PRKG1: variants seen among roughly 807,000 people sequenced by gnomAD.
PRKG1 encodes protein kinase cGMP-dependent 1.
PRKG1 carries 35 observed loss-of-function variants against 88.1 expected under a neutral mutation model. The observed-to-expected ratio is 0.40, with a 90% CI of 0.30 to 0.53. PRKG1 has a LOEUF of 0.53. Ranked by LOEUF, PRKG1 falls within the 20% of genes least tolerant of loss-of-function variation. The pLI is 0.59. For missense variants in PRKG1, 540 were observed against 839.8 expected (o/e 0.64, Z 4.41); for synonymous variants, 303 against 292.5 (o/e 1.04, Z -0.37).
At chr10:51,295,520 T>C (rs1363148557) in intron 2 of PRKG1, among the ~76,000 whole-genome samples, 2 of 152,146 alleles carry the variant, frequency 1.3e-5, no homozygotes, top group African/African-American at 4.8e-5. Flanking sequence ...TTCTAACATT[T>C]TTTTTCTTTT....
chr10:51,789,414 A>G (rs568639527), intron 3 of PRKG1, among the ~76,000 whole-genome samples: 4 of 152,304 alleles, frequency 2.6e-5, no homozygotes, highest in South Asian at 2.1e-4. Flanking sequence ...AGCTTCACTG[A>G]TGTGAGATGG....
intron 7 of PRKG1, among the ~76,000 whole-genome samples, chr10:52,131,815 T>TA (rs1837268352): frequency 5.9e-4 from 3 of 5,046 alleles, no homozygotes; most frequent in Non-Finnish European, 7.7e-4. Context: ...CGAAACTCCA[T>TA]CAAAAAAAAA....
At chr10:51,392,548 G>A (rs903068865) in intron 2 of PRKG1, among the ~76,000 whole-genome samples, 4 of 152,052 alleles carry the variant, frequency 2.6e-5, no homozygotes, top group African/African-American at 9.6e-5. Context: ...CACAGACACG[G>A]CAACCATCCG....
intron 3 of PRKG1, among the ~76,000 whole-genome samples, chr10:51,550,529 C>T (rs1837102275): frequency 6.6e-6 from 1 of 151,906 alleles, no homozygotes; most frequent in Admixed American, 6.6e-5. Context: ...TGGGAATAAA[C>T]CTCTTAGAGA....
chr10:52,064,036 A>C (rs1846299005), intron 7 of PRKG1, among the ~76,000 whole-genome samples: 1 of 152,204 alleles, frequency 6.6e-6, no homozygotes, highest in Non-Finnish European at 1.5e-5. Flanking sequence ...TGGGACTGGC[A>C]GCCTGGCCTC....
intron 9 of PRKG1, among the ~76,000 whole-genome samples, chr10:52,192,684 T>C (rs1447040430): frequency 6.6e-6 from 1 of 152,102 alleles, no homozygotes; most frequent in African/African-American, 2.4e-5. Context: ...CAGATATCAA[T>C]AAATATCACA....
At chr10:51,644,130 C>T (rs1839863966) in intron 3 of PRKG1, among the ~76,000 whole-genome samples, 1 of 152,168 alleles carries the variant, frequency 6.6e-6, no homozygotes, top group Non-Finnish European at 1.5e-5. Context: ...CTTAGTATCA[C>T]AGAATTTTGA....
chr10:52,109,692 A>G (rs1045296942), intron 7 of PRKG1, among the ~76,000 whole-genome samples: 1 of 143,208 alleles, frequency 7.0e-6, no homozygotes, highest in African/African-American at 2.5e-5. Context: ...ACTTGAACTC[A>G]GTGATGTCGG....
intron 1 of PRKG1, among the ~76,000 whole-genome samples, chr10:51,146,194 A>AAG (rs1845944766): frequency 6.6e-6 from 1 of 151,936 alleles, no homozygotes; most frequent in African/African-American, 2.4e-5. Context: ...GTCTCAAAAA[A>AAG]AAAAAAGAAA....
chr10:51,640,259 G>A (rs549449393), intron 3 of PRKG1, among the ~76,000 whole-genome samples: 1 of 152,248 alleles, frequency 6.6e-6, no homozygotes, highest in East Asian at 1.9e-4. Context: ...GTATTCAGGA[G>A]TACCTAGAAC....
intron 3 of PRKG1, among the ~76,000 whole-genome samples, chr10:51,777,672 A>G (rs1016853713): frequency 6.6e-6 from 1 of 152,164 alleles, no homozygotes; most frequent in Non-Finnish European, 1.5e-5. Flanking sequence ...GGTGTTGTAC[A>G]TTCTATGGGT....
chr10:51,717,231 T>C (rs890052010), intron 3 of PRKG1, among the ~76,000 whole-genome samples: 8 of 152,164 alleles, frequency 5.3e-5, no homozygotes, highest in South Asian at 2.1e-4. Context: ...CTCTTTGCAG[T>C]CTCCTTTCTC....
intron 5 of PRKG1, among the ~76,000 whole-genome samples, chr10:51,995,258 AGGTAC>A (rs1844410256): frequency 5.3e-5 from 8 of 152,100 alleles, no homozygotes; most frequent in Admixed American, 5.2e-4. Context: ...TGTGTGTGGT[AGGTAC>A]TTAATCAGAC....
intron 5 of PRKG1, among the ~76,000 whole-genome samples, chr10:51,980,104 C>T (rs910539624): frequency 6.6e-6 from 1 of 151,990 alleles, no homozygotes; most frequent in African/African-American, 2.4e-5. Context: ...CTAACTTTTT[C>T]ATGTGAGCAT....
At position 52,001,046 on chromosome 10, in the gene PRKG1, C is replaced by T. The variant is rs187768746; in HGVS notation, c.763-53438C>T. On this transcript the variant is annotated intron_variant, in intron 5 of 17. Coordinates refer to ENST00000373980, the MANE Select transcript of PRKG1 (RefSeq NM_006258.4). ...GTAACTACCATTCTACTCTCTATTA[C>T]GGTGGGTTCAAAGTTTTTTTTTCGA... Among the ~76,000 whole-genome samples the T allele has an allele frequency of 3.3e-3, 495 of 152,002 alleles. 6 individuals are homozygous for T. Among genetic ancestry groups the T allele is most frequent in the African/African-American group, 0.011 (476 of 41,492 alleles).
intron 2 of PRKG1, among the ~76,000 whole-genome samples, chr10:51,298,536 T>A (rs1250707663): frequency 6.6e-6 from 1 of 152,208 alleles, no homozygotes; most frequent in African/African-American, 2.4e-5. Flanking sequence ...TTATAAATGT[T>A]AGCTATTACA....
chr10:51,584,605 G>T (rs1266027642), intron 3 of PRKG1, among the ~76,000 whole-genome samples: 1 of 151,982 alleles, frequency 6.6e-6, no homozygotes, highest in Non-Finnish European at 1.5e-5. Flanking sequence ...GTGTCTGGGG[G>T]AAAGAAGAAG....
chr10:52,271,188 GC>G (rs1163411442), intron 10 of PRKG1, among the ~76,000 whole-genome samples, 161 bp from the exon 11 acceptor site: 4 of 152,058 alleles, frequency 2.6e-5, no homozygotes, highest in African/African-American at 7.2e-5. Flanking sequence ...ATAGCTGTGA[GC>G]CCTGGATGTT....
In PRKG1 at chr10:51,943,460, A is replaced by G. The variant is rs1324910705; in HGVS notation, c.762+35890A>G. 7.2e-5 allele frequency among the ~76,000 whole-genome samples: 11 copies of G among 151,952 alleles called. No individual in the cohort carries two copies. In the East Asian group the frequency reaches 2.1e-3, roughly 29 times the overall value. ...TACCTTTTATTTCCTTCTCCTGCCT[A>G]ATTGCCCTGGCCAGAACTTCCAACA... On this transcript the variant is annotated intron_variant, in intron 5 of 17. Transcript: ENST00000373980.
Sources: allele counts gnomAD v4.1 joint callset (sites outside exome capture counted in the v4.1 genomes callset), GRCh38; gene constraint gnomAD v4.1.1; transcripts MANE v1.5; gene names NCBI Gene and HGNC (gene_info 2026-07-23, HGNC 2026-07-21).